Variants in INTS7 observed in about 807,000 individuals in gnomAD.
INTS7 encodes the protein integrator complex subunit 7.
INTS7 carries 46 observed loss-of-function variants against 109.2 expected under a neutral mutation model. That is an observed-to-expected ratio of 0.42 (90% CI 0.33 to 0.54). The LOEUF is 0.54. Ranked by LOEUF, INTS7 falls within the 20% of genes least tolerant of loss-of-function variation. The probability of loss-of-function intolerance (pLI) is 0.07; values close to 1 mark genes in which losing one functional copy is unlikely to be tolerated. For synonymous variants in INTS7, 412 were observed against 402.9 expected, an observed-to-expected ratio of 1.02 and a Z score of -0.27; for missense variants, 929 against 1,132.4, an observed-to-expected ratio of 0.82 and a Z score of 2.58.
chr1:211,944,071 G>C (rs891265444), intron 19 of INTS7, among the ~76,000 whole-genome samples: 6 of 151,526 alleles, frequency 4.0e-5, no homozygotes, highest in African/African-American at 1.5e-4. Context: ...AAATCCCTAG[G>C]GTTACACTCT....
At position 211,991,084 on chromosome 1, in the gene INTS7, T is replaced by C. The variant is rs568118405; in HGVS notation, c.880-3081A>G. 1.4e-4 allele frequency among the ~76,000 whole-genome samples: 21 copies of C among 152,222 alleles called. No individual in the cohort carries two copies. The South Asian group carries it at 4.4e-3, about 32-fold the overall frequency. ...GTATGACAGACATTTTAAAAGAGAT[T>C]ACATATCAAGAAATGAATAAGAAGG... is the stretch of plus-strand genomic sequence containing the variant. On this transcript the variant is annotated intron_variant, in intron 7 of 19. Transcript: ENST00000366994.
chr1:212,010,300 A>G (rs1666112293), intron 5 of INTS7, among the ~76,000 whole-genome samples: 2 of 152,190 alleles, frequency 1.3e-5, no homozygotes, highest in Non-Finnish European at 2.9e-5. Flanking sequence ...TAGGGGTATG[A>G]CACGTGTATT....
rs112057249 is a variant in INTS7, at chr1:212,012,187, G to T, written c.510-766C>A. On this transcript the variant is annotated intron_variant, in intron 4 of 19. Transcript: ENST00000366994. The stretch of plus-strand genomic sequence containing the variant: ...CAATGTTCACCTGGCCCCTGAAAGC[G>T]TGTGAGTTTGTAACTCCTGCTTTGC... 3.4e-4 allele frequency among the ~76,000 whole-genome samples: 52 copies of T among 152,098 alleles called. 1 individual carries two copies. The highest frequency in any genetic ancestry group is 1.2e-3 in the African/African-American group (51 of 41,494).
In INTS7 at chr1:211,961,068, C is replaced by T. The variant is rs187868202; in HGVS notation, c.2183+5362G>A. 5.2e-3 allele frequency among the ~76,000 whole-genome samples: 793 copies of T among 151,178 alleles called. 10 individuals are homozygous for T. Among genetic ancestry groups the T allele is most frequent in the Middle Eastern group, 0.01 (3 of 294 alleles). ...AATGAAAAGGAATGAACAAAACCTC[C>T]GAGAAATATGGGATTATGTAAAGAA... On this transcript the variant is annotated intron_variant, in intron 16 of 19. Coordinates refer to ENST00000366994, the MANE Select transcript of INTS7 (RefSeq NM_015434.4).
intron 12 of INTS7, 54 bp from the exon 13 acceptor site, chr1:211,975,426 C>G (rs1664375445): frequency 7.3e-7 from 1 of 1,374,578 alleles, no homozygotes; most frequent in Admixed American, 1.8e-5. Flanking sequence ...CGGTGAGGTT[C>G]TTACATTTGA....
intron 7 of INTS7, among the ~76,000 whole-genome samples, chr1:211,997,516 T>A: frequency 1.0e-5 from 1 of 100,384 alleles, no homozygotes; most frequent in East Asian, 3.2e-4. Context: ...GAGTGAAACC[T>A]ATCTCCAAAC....
intron 15 of INTS7, among the ~76,000 whole-genome samples, chr1:211,966,905 C>A (rs755444639): frequency 9.2e-5 from 14 of 151,960 alleles, no homozygotes; most frequent in South Asian, 2.1e-4. Context: ...GTCTAAGGAG[C>A]CTTTATCCCA....
intron 16 of INTS7, among the ~76,000 whole-genome samples, chr1:211,962,067 A>T (rs1663656576): frequency 6.6e-6 from 1 of 152,176 alleles, no homozygotes; most frequent in Admixed American, 6.5e-5. Context: ...TGCCCCAATT[A>T]CAAGGCACAG....
chr1:212,011,776 C>T (rs1666176064), intron 4 of INTS7: 1 of 201,932 alleles, frequency 5.0e-6, no homozygotes, highest in East Asian at 1.2e-4. Context: ...AGAAAAGTGT[C>T]TGAACATGGT....
chr1:212,027,867 C>T (rs1418780520), intron 1 of INTS7, among the ~76,000 whole-genome samples: 1 of 152,050 alleles, frequency 6.6e-6, no homozygotes, highest in African/African-American at 2.4e-5. Flanking sequence ...CACTCTGCCG[C>T]CCAGGCTGGA....
intron 3 of INTS7, among the ~76,000 whole-genome samples, chr1:212,018,597 T>C (rs1451392711): frequency 6.6e-6 from 1 of 151,976 alleles, no homozygotes; most frequent in Non-Finnish European, 1.5e-5. Context: ...CCAAAGACTC[T>C]ACCAAAAATA....
chr1:211,974,271 AAAAAAATAT>A (rs1330072985), intron 13 of INTS7, among the ~76,000 whole-genome samples: 1 of 77,748 alleles, frequency 1.3e-5, no homozygotes, highest in Non-Finnish European at 2.4e-5. Flanking sequence ...TTCCCAGAAA[AAAAAAATAT>A]ATATATATAT....
intron 8 of INTS7, among the ~76,000 whole-genome samples, chr1:211,983,472 C>T (rs963077937): frequency 6.6e-6 from 1 of 152,100 alleles, no homozygotes; most frequent in African/African-American, 2.4e-5. Flanking sequence ...TTTTAAAATT[C>T]ACATTTGAAA....
chr1:212,012,011 T>G (rs940361927), intron 4 of INTS7, among the ~76,000 whole-genome samples: 3 of 152,198 alleles, frequency 2.0e-5, no homozygotes, highest in African/African-American at 4.8e-5. Flanking sequence ...ATTTGGTTTT[T>G]CAGATTATCC....
intron 7 of INTS7, among the ~76,000 whole-genome samples, chr1:211,994,930 T>C (rs1207370282): frequency 6.6e-6 from 1 of 151,946 alleles, no homozygotes; most frequent in African/African-American, 2.4e-5. Context: ...AATGTGGTTG[T>C]AAAGCTCAAT....
chr1:212,034,289 T>G (rs973305228), intron 1 of INTS7, among the ~76,000 whole-genome samples: 3 of 152,062 alleles, frequency 2.0e-5, no homozygotes, highest in African/African-American at 7.2e-5. Flanking sequence ...AAAAGCTTTT[T>G]TAAGAGCCTG....
At chr1:212,011,506 C>T (rs372147887) in intron 4 of INTS7, 85 bp from the exon 5 acceptor site, 65 of 851,574 alleles carry the variant, frequency 7.6e-5, no homozygotes, top group Non-Finnish European at 3.8e-5. Flanking sequence ...ACACAATTAG[C>T]GCAGAAGAAA....
rs117565774 is a variant in INTS7, at chr1:211,958,983, G to A, written c.2184-6282C>T. Among the ~76,000 whole-genome samples, 7 of 152,258 alleles carry A rather than the reference G, an allele frequency of 4.6e-5. No individual in the cohort carries two copies. In the East Asian group the frequency reaches 1.4e-3, roughly 29 times the overall value. The stretch of plus-strand genomic sequence containing the variant: ...GGGCTGAAGGGGAGGAAGCTGGGAG[G>A]GACCCCTGCATGGGGATATCGCACC... On this transcript the variant is annotated intron_variant, in intron 16 of 19. Coordinates refer to ENST00000366994, the MANE Select transcript of INTS7 (RefSeq NM_015434.4).
Position 211,967,995 on chromosome 1 carries a change from T to G in INTS7, c.2011-14A>C. 1 of 1,388,790 alleles carries G rather than the reference T, an allele frequency of 7.2e-7. No individual in the cohort carries two copies. The highest frequency in any genetic ancestry group is 1.0e-6 in the Non-Finnish European group (1 of 1,001,818). 86.0% of individuals were successfully genotyped at this position (1,388,790 alleles called of 1,614,324 possible). A position where few individuals can be genotyped will look rare whatever the true frequency, so the allele number is the denominator to read the frequency against. The stretch of plus-strand genomic sequence containing the variant: ...GGACTGTTTCATCTATAAAAAAAAA[T>G]CAATTATGACAAACAAACATGCTAT... On this transcript the variant is annotated splice_polypyrimidine_tract_variant and intron_variant, in intron 14 of 19. Coordinates refer to ENST00000366994, the MANE Select transcript of INTS7 (RefSeq NM_015434.4).
Sources: gnomAD v4.1 joint callset for allele counts (sites outside exome capture counted in the v4.1 genomes callset) on GRCh38, gnomAD v4.1.1 for gene constraint, MANE v1.5 for transcripts, NCBI Gene and HGNC (gene_info 2026-07-23, HGNC 2026-07-21) for gene names.